The following ST3GAL3 variants were observed in gnomAD, a reference collection of about 807,000 sequenced individuals.
ST3GAL3 encodes the protein CMP-N-acetylneuraminate-beta-1,4-galactoside alpha-2,3-sialyltransferase.
ST3GAL3 carries 21 observed loss-of-function variants against 50.1 expected under a neutral mutation model. That is an observed-to-expected ratio of 0.42 (90% CI 0.30 to 0.60). The LOEUF is 0.60. Ranked by LOEUF, ST3GAL3 falls within the 20% of genes least tolerant of loss-of-function variation. The probability of loss-of-function intolerance (pLI) is 0.19; values close to 1 mark genes in which losing one functional copy is unlikely to be tolerated. For missense variants in ST3GAL3, 353 were observed against 489.4 expected (o/e 0.72, Z 2.63); for synonymous variants, 183 against 190.0 (o/e 0.96, Z 0.30).
At chr1:43,886,038 AG>A (rs1202568350) in intron 5 of ST3GAL3, among the ~76,000 whole-genome samples, 5 of 152,390 alleles carry the variant, frequency 3.3e-5, no homozygotes, top group African/African-American at 1.2e-4. Flanking sequence ...AGTAATATAT[AG>A]TTTCAAATAG....
intron 4 of ST3GAL3, chr1:43,824,637 C>G: frequency 6.7e-7 from 1 of 1,490,356 alleles, no homozygotes; most frequent in Non-Finnish European, 9.3e-7. Flanking sequence ...TTCATGACAT[C>G]TAGCATTTTT....
intron 4 of ST3GAL3, among the ~76,000 whole-genome samples, chr1:43,820,299 A>G (rs2061926924): frequency 6.6e-6 from 1 of 152,196 alleles, no homozygotes; most frequent in East Asian, 1.9e-4. Flanking sequence ...CCATATATAA[A>G]AATTAAGATG....
Position 43,835,521 on chromosome 1 carries a change from C to A in ST3GAL3, c.210-2698C>A, listed in dbSNP as rs183336501. Among the ~76,000 whole-genome samples the A allele has an allele frequency of 2.8e-3, 433 of 152,278 alleles. 3 individuals are homozygous for A. The highest frequency in any genetic ancestry group is 4.5e-3 in the Non-Finnish European group (305 of 68,028). On this transcript the variant is annotated intron_variant, in intron 4 of 11. Coordinates refer to ENST00000347631, the MANE Select transcript of ST3GAL3 (RefSeq NM_006279.5). ...ATCCTTGATATTGGACTGCCTTCCA[C>A]TGCCATGGAGAGAGCAGTATCTCCT... is the stretch of plus-strand genomic sequence containing the variant.
intron 1 of ST3GAL3, among the ~76,000 whole-genome samples, chr1:43,734,294 C>CTTAT (rs1677265566): frequency 8.2e-6 from 1 of 122,450 alleles, no homozygotes. Flanking sequence ...CTTTCTTCTT[C>CTTAT]TTCTTTTTTT....
At chr1:43,901,001 C>T (rs74656976) in intron 9 of ST3GAL3, among the ~76,000 whole-genome samples, 1 of 152,248 alleles carries the variant, frequency 6.6e-6, no homozygotes, top group South Asian at 2.1e-4. Context: ...ACTGCCCACA[C>T]AGACCAGGTA....
At chr1:43,828,936 CTT>C (rs945860395) in intron 4 of ST3GAL3, among the ~76,000 whole-genome samples, 5 of 152,172 alleles carry the variant, frequency 3.3e-5, no homozygotes, top group African/African-American at 4.8e-5. Context: ...GAACTGAAAA[CTT>C]ATGTCTACAC....
chr1:43,744,697 TAA>T (rs1317670805), intron 2 of ST3GAL3, among the ~76,000 whole-genome samples: 5 of 114,928 alleles, frequency 4.4e-5, no homozygotes, highest in African/African-American at 1.2e-4. Flanking sequence ...TAAAATAAAA[TAA>T]AAAATAAAAT....
chr1:43,765,419 C>T (rs1692186957), intron 2 of ST3GAL3, among the ~76,000 whole-genome samples: 1 of 152,156 alleles, frequency 6.6e-6, no homozygotes, highest in Non-Finnish European at 1.5e-5. Context: ...TGTGGTCCCA[C>T]CTAACTGAGA....
chr1:43,921,593 G>A (rs1398173443), intron 11 of ST3GAL3: 2 of 399,152 alleles, frequency 5.0e-6, no homozygotes, highest in Non-Finnish European at 8.8e-6. Context: ...CTGGGTGATG[G>A]GAGGTTGTTG....
intron 2 of ST3GAL3, among the ~76,000 whole-genome samples, chr1:43,750,057 T>C (rs1427797852): frequency 6.6e-6 from 1 of 152,224 alleles, no homozygotes; most frequent in African/African-American, 2.4e-5. Context: ...CTCAGGTATT[T>C]TGTTATAGCA....
At chr1:43,797,723 T>TA (rs2058842280) in intron 3 of ST3GAL3, among the ~76,000 whole-genome samples, 1 of 152,108 alleles carries the variant, frequency 6.6e-6, no homozygotes, top group African/African-American at 2.4e-5. Context: ...CATCAGGAAA[T>TA]ACTTCTGGAA....
At chr1:43,752,849 A>G (rs1686690989) in intron 2 of ST3GAL3, among the ~76,000 whole-genome samples, 1 of 152,178 alleles carries the variant, frequency 6.6e-6, no homozygotes, top group Non-Finnish European at 1.5e-5. Context: ...TGTTCATCTA[A>G]TTTCACTTTT....
At chr1:43,853,186 A>G (rs2067670779) in intron 5 of ST3GAL3, among the ~76,000 whole-genome samples, 1 of 152,192 alleles carries the variant, frequency 6.6e-6, no homozygotes, top group Non-Finnish European at 1.5e-5. Flanking sequence ...ATTGGGAGAA[A>G]GTGAGGCACC....
intron 2 of ST3GAL3, among the ~76,000 whole-genome samples, chr1:43,748,004 C>T (rs1684523088): frequency 6.6e-6 from 1 of 152,108 alleles, no homozygotes; most frequent in Non-Finnish European, 1.5e-5. Flanking sequence ...AACCAGCCCT[C>T]ATCCCGAGGG....
At chr1:43,923,621 C>G (rs1229340815) in intron 11 of ST3GAL3, among the ~76,000 whole-genome samples, 3 of 152,002 alleles carry the variant, frequency 2.0e-5, no homozygotes, top group Non-Finnish European at 4.4e-5. Flanking sequence ...CTGAGTCTCT[C>G]TCTTTTCTTT....
chr1:43,734,883 C>T, intron 1 of ST3GAL3, among the ~76,000 whole-genome samples: 1 of 151,832 alleles, frequency 6.6e-6, no homozygotes, highest in Non-Finnish European at 1.5e-5. Context: ...AGGGCCTGAC[C>T]CAGGGCAGTC....
chr1:43,729,406 C>T (rs1674607395), intron 1 of ST3GAL3, among the ~76,000 whole-genome samples: 1 of 152,148 alleles, frequency 6.6e-6, no homozygotes, highest in Non-Finnish European at 1.5e-5. Flanking sequence ...TTTTTTCCCA[C>T]TGAATACCTC....
At chr1:43,774,840 AT>A (rs1696575684) in intron 2 of ST3GAL3, among the ~76,000 whole-genome samples, 2 of 152,112 alleles carry the variant, frequency 1.3e-5, no homozygotes, top group South Asian at 4.1e-4. Flanking sequence ...AGTGAAAGGG[AT>A]TATGGAAAAG....
intron 9 of ST3GAL3, among the ~76,000 whole-genome samples, chr1:43,918,394 A>G (rs2082445204): frequency 6.6e-6 from 1 of 152,164 alleles, no homozygotes; most frequent in Non-Finnish European, 1.5e-5. Flanking sequence ...CTAGGATTAC[A>G]GGCATGAGCC....
Sources: allele counts gnomAD v4.1 joint callset (sites outside exome capture counted in the v4.1 genomes callset), GRCh38; gene constraint gnomAD v4.1.1; transcripts MANE v1.5; gene names NCBI Gene and HGNC (gene_info 2026-07-23, HGNC 2026-07-21).